Variants in EPHA8 observed in about 807,000 individuals in gnomAD.
EPHA8 encodes EPH receptor A8.
A neutral mutation model predicts 103.6 loss-of-function variants in EPHA8; 58 were observed. That is an observed-to-expected ratio of 0.56 (90% CI 0.45 to 0.70). EPHA8 has a LOEUF of 0.70. Among genes scored for constraint, EPHA8 ranks in the 30% least tolerant of loss-of-function variants. The pLI is 0.00. For synonymous variants in EPHA8, 559 were observed against 572.5 expected, an observed-to-expected ratio of 0.98 and a Z score of 0.34; for missense variants, 1,304 against 1,395.2, an observed-to-expected ratio of 0.93 and a Z score of 1.04.
intron 3 of EPHA8, among the ~76,000 whole-genome samples, chr1:22,578,829 CTG>C (rs149067449): frequency 0.018 from 2,502 of 138,224 alleles, 35 homozygotes; most frequent in Middle Eastern, 0.047. Context: ...ATGTGCATGC[CTG>C]TGTGTATATG....
At chr1:22,585,326 G>C (rs891670967) in intron 3 of EPHA8, among the ~76,000 whole-genome samples, 3 of 152,122 alleles carry the variant, frequency 2.0e-5, no homozygotes, top group Non-Finnish European at 4.4e-5. Context: ...CTAAGCCCTG[G>C]GGAGCCTGTG....
At chr1:22,585,044 T>TGCGCGCGCGC (rs1307428143) in intron 3 of EPHA8, among the ~76,000 whole-genome samples, 8 of 117,346 alleles carry the variant, frequency 6.8e-5, no homozygotes, top group African/African-American at 3.6e-4. Flanking sequence ...TGTGTGTGTG[T>TGCGCGCGCGC]GTGTGTGCGC....
chr1:22,598,716 C>A lies in EPHA8; in HGVS notation c.2179-122C>A. The A allele has an allele frequency of 1.1e-6, 1 of 950,066 alleles. No homozygotes were observed. Among genetic ancestry groups the A allele is most frequent in the Non-Finnish European group, 1.6e-6 (1 of 632,252 alleles). 58.9% of individuals were successfully genotyped at this position (950,066 alleles called of 1,614,324 possible). A position where few individuals can be genotyped will look rare whatever the true frequency, so the allele number is the denominator to read the frequency against. On this transcript the variant is annotated intron_variant, in intron 12 of 16. Transcript: ENST00000166244. The surrounding 1 kb of genome is among the most constrained non-coding windows in gnomAD (Gnocchi z 5.1). ...GCAAAGTGCTTCAGAAGTAGTGGCG[C>A]ACTTGGCAAATTGCAAAGCACCGTC...
At chr1:22,571,787 C>A (rs906334079) in intron 2 of EPHA8, among the ~76,000 whole-genome samples, 6 of 152,170 alleles carry the variant, frequency 3.9e-5, no homozygotes, top group Non-Finnish European at 4.4e-5. Context: ...TGGTGGCTCA[C>A]ACCTGTAATC....
chr1:22,578,136 A>T (rs61234763), intron 3 of EPHA8, among the ~76,000 whole-genome samples: 18 of 68,866 alleles, frequency 2.6e-4, no homozygotes, highest in Admixed American at 1.0e-3. Context: ...GCATGTGTGC[A>T]TGTGTGTATG....
At chr1:22,578,213 CGTGT>C (rs796258459) in intron 3 of EPHA8, among the ~76,000 whole-genome samples, 11,289 of 66,518 alleles carry the variant, frequency 0.17, 502 homozygotes, top group Middle Eastern at 0.22. Context: ...CGAGTGTGTG[CGTGT>C]GAGTGTGCAT....
intron 15 of EPHA8, 98 bp from the exon 16 acceptor site, chr1:22,601,202 C>T (rs1213568826): frequency 2.6e-5 from 39 of 1,527,510 alleles, no homozygotes; most frequent in East Asian, 4.5e-5. Flanking sequence ...CCTGGGCCCC[C>T]GGCCCCTGCC....
rs1382969559 is a variant in EPHA8, at chr1:22,576,550, A to G, written c.493A>G (p.Lys165Glu). The change falls in exon 3 of 17, where the codon AAG becomes GAG. Residue 165 changes from lysine (K) to glutamate (E), a missense_variant. By Grantham distance (56) the Lys-to-Glu change is moderately conservative. Coordinates refer to ENST00000166244, the MANE Select transcript of EPHA8 (RefSeq NM_020526.5). This position sits in a 1 kb window ranked among gnomAD's most constrained non-coding sequence, Gnocchi z 4.8. ...TGADLGVRRLKLNTEVRSVGP... is the reference protein window; with the variant it reads ...TGADLGVRRLELNTEVRSVGP... ...TGCCGACCTTGGTGTGCGGCGTCTC[A>G]AGCTCAACACGGAGGTGCGCAGTGT... The G allele has an allele frequency of 1.2e-5, 19 of 1,614,120 alleles. 1 individual carries two copies. In the Middle Eastern group the frequency reaches 6.6e-4, roughly 56 times the overall value.
At chr1:22,582,169 C>G (rs1016218440) in intron 3 of EPHA8, among the ~76,000 whole-genome samples, 3 of 152,212 alleles carry the variant, frequency 2.0e-5, no homozygotes, top group African/African-American at 7.2e-5. Flanking sequence ...CTTCAGGAGA[C>G]CTGCTGAGGT....
At chr1:22,571,998 C>G (rs1422136016) in intron 2 of EPHA8, among the ~76,000 whole-genome samples, 1 of 152,124 alleles carries the variant, frequency 6.6e-6, no homozygotes, top group Non-Finnish European at 1.5e-5. Context: ...TGTACTCCAG[C>G]CTGGGTAATG....
chr1:22,592,427 G>A (rs1258279348), intron 5 of EPHA8, among the ~76,000 whole-genome samples: 8 of 152,330 alleles, frequency 5.3e-5, no homozygotes, highest in African/African-American at 1.7e-4. Context: ...TAGCAAGAGA[G>A]GGAGCCAAGT....
rs374307788 is a variant in EPHA8, at chr1:22,597,509, C to T, written c.1930+33C>T. 31 of 1,602,236 alleles carry T rather than the reference C, an allele frequency of 1.9e-5. No individual in the cohort carries two copies. The highest frequency in any genetic ancestry group is 2.6e-5 in the Non-Finnish European group (31 of 1,173,444). Reference sequence around the variant, plus strand: ...TCAGGGGTTGTGAGGGCGGGGCCAGCATGGGGCAAGGTGGGGGCACCCAGG... The same window carrying T: ...TCAGGGGTTGTGAGGGCGGGGCCAGTATGGGGCAAGGTGGGGGCACCCAGG... On this transcript the variant is annotated intron_variant, in intron 10 of 16. Coordinates refer to ENST00000166244, the MANE Select transcript of EPHA8 (RefSeq NM_020526.5). The surrounding 1 kb of genome is among the most constrained non-coding windows in gnomAD (Gnocchi z 4.6).
At position 22,569,081 on chromosome 1, in the gene EPHA8, A is replaced by C. The variant is rs570377246; in HGVS notation, c.95-208A>C. On this transcript the variant is annotated intron_variant, in intron 1 of 16. Coordinates refer to ENST00000166244, the MANE Select transcript of EPHA8 (RefSeq NM_020526.5). The surrounding 1 kb of genome is among the most constrained non-coding windows in gnomAD (Gnocchi z 4.5). Reference sequence around the variant, plus strand: ...TTCAGAATATTACTTTTTGGCCAAGAGGGTGAGAAGAAGGCTTCAGGGAAG... The same window carrying C: ...TTCAGAATATTACTTTTTGGCCAAGCGGGTGAGAAGAAGGCTTCAGGGAAG... 7.9e-5 allele frequency among the ~76,000 whole-genome samples: 12 copies of C among 152,296 alleles called. No individual in the cohort carries two copies. The South Asian group carries it at 1.9e-3, about 24-fold the overall frequency.
chr1:22,583,747 A>G (rs1641110799), intron 3 of EPHA8, among the ~76,000 whole-genome samples: 1 of 152,136 alleles, frequency 6.6e-6, no homozygotes, highest in African/African-American at 2.4e-5. Context: ...GCCTAATGTC[A>G]CTGAGCTCAG....
chr1:22,582,873 C>T (rs558266955), intron 3 of EPHA8, among the ~76,000 whole-genome samples: 2 of 152,246 alleles, frequency 1.3e-5, no homozygotes, highest in Admixed American at 1.3e-4. Flanking sequence ...TATAAATCAC[C>T]CTTCGCGGCC....
In EPHA8 at chr1:22,597,611, G is replaced by A; in HGVS notation, c.1931-65G>A. On this transcript the variant is annotated intron_variant, in intron 10 of 16. Coordinates refer to ENST00000166244, the MANE Select transcript of EPHA8 (RefSeq NM_020526.5). The surrounding 1 kb of genome is among the most constrained non-coding windows in gnomAD (Gnocchi z 4.6). ...AAGCCCAGGGGGTCCAAGGGCCTGG[G>A]AGGCTGGGGGAGTCTGAGGGTCCCA... 6.4e-7 allele frequency: 1 copy of A among 1,552,038 alleles called. No homozygotes were observed. The highest frequency in any genetic ancestry group is 8.7e-7 in the Non-Finnish European group (1 of 1,148,084).
chr1:22,569,493 T>A lies in EPHA8; in HGVS notation c.159+140T>A. 1 of 834,724 alleles carries A rather than the reference T, an allele frequency of 1.2e-6. No individual in the cohort carries two copies. The highest frequency in any genetic ancestry group is 1.9e-6 in the Non-Finnish European group (1 of 539,654). The allele number at this position is 834,724 out of a possible 1,614,324, so 51.7% of individuals were successfully genotyped here. A position where few individuals can be genotyped will look rare whatever the true frequency, so the allele number is the denominator to read the frequency against. On this transcript the variant is annotated intron_variant, in intron 2 of 16. Transcript: ENST00000166244. This position sits in a 1 kb window ranked among gnomAD's most constrained non-coding sequence, Gnocchi z 4.5. ...GACTTACCCAAGGGCACACAGCAGT[T>A]AGTGCTGCTGATCTCTTAACAGTTT...
rs1239030664 is a variant in EPHA8, at chr1:22,597,723, C to T, written c.1978C>T (p.Arg660Trp). 9.3e-6 allele frequency: 15 copies of T among 1,612,526 alleles called. No homozygotes were observed. The highest frequency in any genetic ancestry group is 4.4e-5 in the South Asian group (4 of 91,066). ...CYGRLRVPGQ[R>W]DVPVAIKALK... Reference sequence around the variant, plus strand: ...CGGGAGGCTGCGGGTGCCAGGGCAGCGGGATGTGCCCGTGGCCATCAAGGC... The same window carrying T: ...CGGGAGGCTGCGGGTGCCAGGGCAGTGGGATGTGCCCGTGGCCATCAAGGC... Residue 660 changes from arginine (R) to tryptophan (W), a missense_variant, in exon 11 of 17, where the codon CGG becomes TGG. By Grantham distance (101) the Arg-to-Trp change is moderately radical (BLOSUM62 -3). Coordinates refer to ENST00000166244, the MANE Select transcript of EPHA8 (RefSeq NM_020526.5). This position sits in a 1 kb window ranked among gnomAD's most constrained non-coding sequence, Gnocchi z 4.6.
At position 22,569,198 on chromosome 1, in the gene EPHA8, A is replaced by G; in HGVS notation, c.95-91A>G. On this transcript the variant is annotated intron_variant, in intron 1 of 16. Transcript: ENST00000166244. This position sits in a 1 kb window ranked among gnomAD's most constrained non-coding sequence, Gnocchi z 4.5. ...CGTGTGAGCTGTGTGCTGGGGGCTGAGTGTGGACCAGTGTAGCTGGGTCAG... is the reference window on the plus strand; with the variant it reads ...CGTGTGAGCTGTGTGCTGGGGGCTGGGTGTGGACCAGTGTAGCTGGGTCAG... 8.0e-7 allele frequency: 1 copy of G among 1,247,234 alleles called. No homozygotes were observed. Among genetic ancestry groups the G allele is most frequent in the South Asian group, 1.2e-5 (1 of 81,834 alleles). The allele number at this position is 1,247,234 out of a possible 1,614,324, so 77.3% of individuals were successfully genotyped here.
Sources: allele counts gnomAD v4.1 joint callset (sites outside exome capture counted in the v4.1 genomes callset), GRCh38; gene constraint gnomAD v4.1.1; non-coding constraint Gnocchi (gnomAD v3.1); transcripts MANE v1.5; gene names NCBI Gene and HGNC (gene_info 2026-07-23, HGNC 2026-07-21).